The following PGM1 variants were observed in gnomAD, a reference collection of about 807,000 sequenced individuals.
PGM1 encodes the protein phosphoglucomutase-1.
PGM1 carries 52 observed loss-of-function variants against 55.6 expected under a neutral mutation model. The ratio of observed to expected loss-of-function variants is 0.94; its 90% CI spans 0.75 to 1.18. The LOEUF is 1.18. Among genes scored for constraint, PGM1 ranks in the 50% most tolerant of loss-of-function variants. The pLI is 0.00. For synonymous variants in PGM1, 287 were observed against 271.7 expected, an observed-to-expected ratio of 1.06 and a Z score of -0.55; for missense variants, 724 against 729.3, an observed-to-expected ratio of 0.99 and a Z score of 0.08.
At chr1:63,625,363 G>A (rs1422610026) in intron 1 of PGM1, among the ~76,000 whole-genome samples, 2 of 152,322 alleles carry the variant, frequency 1.3e-5, no homozygotes, top group African/African-American at 2.4e-5. Context: ...AAGCTTAGAG[G>A]TGAGAGCCAC....
intron 1 of PGM1, among the ~76,000 whole-genome samples, chr1:63,603,846 A>G (rs1648309178): frequency 6.6e-6 from 1 of 152,234 alleles, no homozygotes; most frequent in Non-Finnish European, 1.5e-5. Context: ...CACTGGGTGA[A>G]ATGGTGGCAG....
intron 7 of PGM1, among the ~76,000 whole-genome samples, chr1:63,647,261 TATATATATATATA>T (rs1313735774): frequency 0.51 from 24,529 of 48,446 alleles, 3,468 homozygotes; most frequent in Admixed American, 0.55. Flanking sequence ...AAATTTTACA[TATATATATATATA>T]TATATATATA....
At chr1:63,604,736 C>G (rs1454678943) in intron 1 of PGM1, among the ~76,000 whole-genome samples, 2 of 152,132 alleles carry the variant, frequency 1.3e-5, no homozygotes, top group Non-Finnish European at 2.9e-5. Flanking sequence ...ACACAGCACT[C>G]CTTTCCAGTG....
rs1303471272 is a variant in PGM1, at chr1:63,659,845, T to C, written c.*170T>C. ...CAAGGCACTGCCAAACAAGATGCCC[T>C]TGGGAGCTGTGAGGGAAAGAGGACC... On this transcript the variant is annotated 3_prime_UTR_variant, in exon 11 of 11. Coordinates refer to ENST00000371084, the MANE Select transcript of PGM1 (RefSeq NM_002633.3). 6.0e-6 allele frequency: 4 copies of C among 671,914 alleles called. No homozygotes were observed. Among genetic ancestry groups the C allele is most frequent in the Non-Finnish European group, 1.1e-5 (4 of 365,406 alleles). 41.6% of individuals were successfully genotyped at this position (671,914 alleles called of 1,614,324 possible). A position where few individuals can be genotyped will look rare whatever the true frequency, so the allele number is the denominator to read the frequency against.
intron 10 of PGM1, chr1:63,655,619 T>C (rs1649942786): frequency 6.6e-6 from 1 of 152,202 alleles, no homozygotes; most frequent in Non-Finnish European, 1.5e-5. Flanking sequence ...ACAGTTTCTT[T>C]AAGTGTTTTT....
chr1:63,636,875 T>C (rs1228174653), intron 6 of PGM1, among the ~76,000 whole-genome samples: 1 of 152,220 alleles, frequency 6.6e-6, no homozygotes, highest in African/African-American at 2.4e-5. Flanking sequence ...AGAGTGTGGG[T>C]GAAAGAGCAG....
chr1:63,603,870 G>C (rs1009111862), intron 1 of PGM1, among the ~76,000 whole-genome samples: 16 of 152,224 alleles, frequency 1.1e-4, no homozygotes, highest in African/African-American at 3.9e-4. Flanking sequence ...TGCCCATGCT[G>C]TTTAAATTTC....
chr1:63,622,728 A>G (rs1459609772), intron 1 of PGM1, among the ~76,000 whole-genome samples: 1 of 152,222 alleles, frequency 6.6e-6, no homozygotes, highest in Non-Finnish European at 1.5e-5. Context: ...AGAACTGAAC[A>G]CTGTTTTCTT....
Position 63,629,418 on chromosome 1 carries a change from C to T in PGM1, c.247-7C>T, listed in dbSNP as rs1570493471. The T allele has an allele frequency of 1.9e-6, 3 of 1,612,360 alleles. No homozygotes were observed. The highest frequency in any genetic ancestry group is 1.7e-4 in the Middle Eastern group (1 of 6,048). ...TTAAAGAGTGTGTTCTGGATTTCTT[C>T]TCCTAGATCGGTCGCTTGGTTATCG... On this transcript the variant is annotated splice_polypyrimidine_tract_variant and splice_region_variant and intron_variant, in intron 1 of 10. Transcript: ENST00000371084.
At chr1:63,632,818 C>T (rs932162309) in intron 4 of PGM1, among the ~76,000 whole-genome samples, 3 of 152,162 alleles carry the variant, frequency 2.0e-5, no homozygotes, top group Non-Finnish European at 1.5e-5. Context: ...CAAGACCAGC[C>T]TGACCAACAT....
At chr1:63,596,652 T>C (rs1648082184) in intron 1 of PGM1, among the ~76,000 whole-genome samples, 1 of 152,200 alleles carries the variant, frequency 6.6e-6, no homozygotes, top group South Asian at 2.1e-4. Flanking sequence ...TCTTGTGATA[T>C]GATTCAGTCC....
chr1:63,658,615 G>C (rs1650030925), intron 10 of PGM1, among the ~76,000 whole-genome samples: 1 of 152,090 alleles, frequency 6.6e-6, no homozygotes, highest in African/African-American at 2.4e-5. Flanking sequence ...AGCCGGGCGT[G>C]GTGGCGCATG....
At position 63,593,931 on chromosome 1, in the gene PGM1, C is replaced by T. The variant is rs182025200; in HGVS notation, c.246+197C>T. 1,981 of 1,233,948 alleles carry T rather than the reference C, an allele frequency of 1.6e-3. 18 individuals carry two copies. In the African/African-American group the frequency reaches 0.025, roughly 16 times the overall value. 76.4% of individuals were successfully genotyped at this position (1,233,948 alleles called of 1,614,324 possible). On this transcript the variant is annotated intron_variant, in intron 1 of 10. Coordinates refer to ENST00000371084, the MANE Select transcript of PGM1 (RefSeq NM_002633.3). ...GAGGTCGCCGGGCTGGGGAAAGTGG[C>T]CACGGGACCCGGCAGACCTGCTCGC...
intron 7 of PGM1, among the ~76,000 whole-genome samples, chr1:63,647,104 A>G (rs1649664797): frequency 1.3e-5 from 2 of 151,578 alleles, no homozygotes; most frequent in Admixed American, 1.3e-4. Context: ...TTAGCTGAGC[A>G]TGGTGGCGGG....
At chr1:63,654,668 A>C (rs945246909) in intron 10 of PGM1, among the ~76,000 whole-genome samples, 2 of 152,068 alleles carry the variant, frequency 1.3e-5, no homozygotes, top group African/African-American at 4.8e-5. Flanking sequence ...AGGTGGGAGG[A>C]TCACCTGAGC....
intron 1 of PGM1, among the ~76,000 whole-genome samples, chr1:63,625,319 C>T (rs1483592598): frequency 6.6e-6 from 1 of 152,176 alleles, no homozygotes; most frequent in African/African-American, 2.4e-5. Flanking sequence ...GAGCTGTTGG[C>T]AGCCCAAGCA....
intron 4 of PGM1, among the ~76,000 whole-genome samples, chr1:63,632,726 C>T (rs1649229047): frequency 6.6e-6 from 1 of 152,110 alleles, no homozygotes; most frequent in South Asian, 2.1e-4. Flanking sequence ...AAAAACTAAC[C>T]CCGGGGTCGG....
chr1:63,656,565 CATT>C (rs1407901390), intron 10 of PGM1, among the ~76,000 whole-genome samples: 3 of 138,890 alleles, frequency 2.2e-5, no homozygotes, highest in Admixed American at 1.5e-4. Flanking sequence ...TGAATGAAGA[CATT>C]GTGGTGTGTG....
Position 63,645,858 on chromosome 1 carries a change from G to A in PGM1, c.1145-2659G>A, listed in dbSNP as rs151098824. On this transcript the variant is annotated intron_variant, in intron 7 of 10. Coordinates refer to ENST00000371084, the MANE Select transcript of PGM1 (RefSeq NM_002633.3). ...AGTCTTTCATAATTAGTTATTTACCGTATTCCTTGTGCTATGCTAGTCACC... is the reference window on the plus strand; with the variant it reads ...AGTCTTTCATAATTAGTTATTTACCATATTCCTTGTGCTATGCTAGTCACC... 3.9e-5 allele frequency among the ~76,000 whole-genome samples: 6 copies of A among 152,270 alleles called. No homozygotes were observed. The East Asian group carries it at 7.7e-4, about 20-fold the overall frequency.
Sources: allele counts gnomAD v4.1 joint callset (sites outside exome capture counted in the v4.1 genomes callset), GRCh38; gene constraint gnomAD v4.1.1; transcripts MANE v1.5; gene names NCBI Gene and HGNC (gene_info 2026-07-23, HGNC 2026-07-21).